Variants in SPIN2A observed in about 807,000 individuals in gnomAD.
SPIN2A encodes the protein spindlin family member 2A.
Under a neutral mutation model 9.2 loss-of-function variants are expected in SPIN2A, and 4 were observed. The ratio of observed to expected loss-of-function variants is 0.44; its 90% CI spans 0.21 to 1.00. SPIN2A has a LOEUF of 1.00. Among genes scored for constraint, SPIN2A ranks in the 50% least tolerant of loss-of-function variants. SPIN2A has a pLI of 0.26. For synonymous variants in SPIN2A, 25 were observed against 61.2 expected (o/e 0.41, Z 2.76); for missense variants, 77 against 172.8 (o/e 0.45, Z 3.11).
intron 1 of SPIN2A, 133 bp downstream of exon 1, chrX:57,137,127 C>T: frequency 2.5e-5 from 19 of 766,851 alleles, no homozygotes; most frequent in Non-Finnish European, 2.9e-5. Flanking sequence ...CCTTGCCTGG[C>T]GCCCAACTCC....
At chrX:57,147,131 G>T in the SPIN2A span, among the ~76,000 whole-genome samples, 1 of 111,596 alleles carries the variant, frequency 9.0e-6, no homozygotes, top group South Asian at 3.7e-4. Context: ...GTGCCAATAG[G>T]ATTTGTACCT....
intron 1 of SPIN2A, chrX:57,137,049 T>C (rs893107811): frequency 7.3e-6 from 6 of 817,741 alleles, no homozygotes; most frequent in Non-Finnish European, 8.9e-6. Flanking sequence ...GGCGCTCACC[T>C]TCAAATCCTT....
chrX:57,136,958 G>T lies in SPIN2A; in HGVS notation c.-6+302C>A, dbSNP rs1340972004. The stretch of plus-strand genomic sequence containing the variant: ...CTTGACCAGCACCCACTACCCTCCT[G>T]CCCTGAGTGCCTCTGGTGCTGTCTG... On this transcript the variant is annotated intron_variant, in intron 1 of 1. Transcript: ENST00000374906. 1.4e-5 allele frequency: 12 copies of T among 872,440 alleles called. No individual in the cohort carries two copies. In the East Asian group the frequency reaches 1.6e-4, roughly 11 times the overall value. The allele number at this position is 872,440 out of a possible 1,213,427, so 71.9% of individuals were successfully genotyped here.
chrX:57,135,157 C>T (rs1927647270), downstream of SPIN2A: 1 of 113,680 alleles, frequency 8.8e-6, no homozygotes, highest in African/African-American at 3.3e-5. Flanking sequence ...TCTAATCCCT[C>T]CAACACCCTA....
intron 1 of SPIN2A, chrX:57,137,036 C>G: frequency 2.4e-6 from 2 of 828,258 alleles, no homozygotes; most frequent in Non-Finnish European, 2.9e-6. Flanking sequence ...TCCCTTGCTT[C>G]CTGGCGCTCA....
chrX:57,141,377 A>G (rs1264505528), upstream of SPIN2A, among the ~76,000 whole-genome samples: 5 of 111,919 alleles, frequency 4.5e-5, no homozygotes, highest in Admixed American at 3.8e-4. Context: ...ATTTATTGGT[A>G]ATATTGGCGT....
At chrX:57,134,610 A>T (rs1436818800), downstream of SPIN2A, 1 of 111,459 alleles carries the variant, frequency 9.0e-6, no homozygotes, top group East Asian at 2.8e-4. Context: ...AAGGAATAGG[A>T]GTGATGAGAC....
Position 57,135,754 on chromosome X carries a change from A to G in SPIN2A, c.*67T>C. Reference sequence around the variant, plus strand: ...ATAAGCTTTCAGTACACTGAAAGGCAACATTTTTTGCATGTCTACAAATTA... The same window carrying G: ...ATAAGCTTTCAGTACACTGAAAGGCGACATTTTTTGCATGTCTACAAATTA... On this transcript the variant is annotated 3_prime_UTR_variant, in exon 2 of 2. Coordinates refer to ENST00000374906, the MANE Select transcript of SPIN2A (RefSeq NM_019003.5). 4 of 1,168,092 alleles carry G rather than the reference A, an allele frequency of 3.4e-6. No individual in the cohort carries two copies. The highest frequency in any genetic ancestry group is 4.6e-6 in the Non-Finnish European group (4 of 872,952).
upstream of SPIN2A, among the ~76,000 whole-genome samples, chrX:57,138,896 T>C (rs763134666): frequency 3.6e-5 from 4 of 112,361 alleles, no homozygotes; most frequent in Non-Finnish European, 7.5e-5. Flanking sequence ...TTTGCCCATT[T>C]TTAAATCAGA....
downstream of SPIN2A, chrX:57,135,353 A>T (rs1569185079): frequency 6.9e-6 from 1 of 144,361 alleles, no homozygotes; most frequent in African/African-American, 3.3e-5. Context: ...TCTGAGTTGG[A>T]TGTTTCCTTC....
At chrX:57,138,420 TTA>T (rs764241953), upstream of SPIN2A, among the ~76,000 whole-genome samples, 868 of 107,727 alleles carry the variant, frequency 8.1e-3, 7 homozygotes, top group African/African-American at 0.024. Context: ...TAATATTTTA[TTA>T]TATATATATA....
chrX:57,142,972 C>T, the SPIN2A span, among the ~76,000 whole-genome samples: 1 of 111,019 alleles, frequency 9.0e-6, no homozygotes, highest in Non-Finnish European at 1.9e-5. Flanking sequence ...TTTTTCCATT[C>T]TTTAATTTTA....
At chrX:57,142,871 C>A in the SPIN2A span, among the ~76,000 whole-genome samples, 2 of 111,375 alleles carry the variant, frequency 1.8e-5, no homozygotes, top group African/African-American at 6.5e-5. Flanking sequence ...TTCTTTGTTT[C>A]TTTTTACAGT....
chrX:57,142,979 T>G, the SPIN2A span, among the ~76,000 whole-genome samples: 2 of 111,587 alleles, frequency 1.8e-5, no homozygotes, highest in South Asian at 3.7e-4. Flanking sequence ...ATTCTTTAAT[T>G]TTAGGTCTGT....
chrX:57,134,590 A>T (rs938080722), downstream of SPIN2A: 3 of 111,607 alleles, frequency 2.7e-5, no homozygotes, highest in African/African-American at 9.8e-5. Flanking sequence ...GAAAACAAAC[A>T]TTCCAGCAGA....
chrX:57,141,177 G>A (rs1044258241), upstream of SPIN2A, among the ~76,000 whole-genome samples: 7 of 110,055 alleles, frequency 6.4e-5, no homozygotes, highest in African/African-American at 2.3e-4. Flanking sequence ...ATTTTTTTTG[G>A]CATCTATTGA....
At chrX:57,136,907 C>T in intron 1 of SPIN2A, 1 of 703,010 alleles carries the variant, frequency 1.4e-6, no homozygotes, top group East Asian at 4.1e-5. Context: ...CCACTAGCAT[C>T]CACTCCCAAT....
chrX:57,134,345 G>C (rs1301087205), downstream of SPIN2A, among the ~76,000 whole-genome samples: 1 of 111,738 alleles, frequency 8.9e-6, no homozygotes, highest in Non-Finnish European at 1.9e-5. Context: ...CTGTGAGCTG[G>C]GGTAGGCAAG....
the SPIN2A span, among the ~76,000 whole-genome samples, chrX:57,144,448 G>T: frequency 2.0e-5 from 2 of 99,853 alleles, no homozygotes; most frequent in Non-Finnish European, 4.1e-5. Context: ...AACTCTGTGG[G>T]TTTTTTTTTC....
Sources: gnomAD v4.1 joint callset for allele counts (sites outside exome capture counted in the v4.1 genomes callset) on GRCh38, gnomAD v4.1.1 for gene constraint, MANE v1.5 for transcripts, NCBI Gene and HGNC (gene_info 2026-07-23, HGNC 2026-07-21) for gene names.